CFAP410: variants seen among roughly 807,000 people sequenced by gnomAD.
CFAP410 encodes cilia- and flagella-associated protein 410.
CFAP410 carries 27 observed loss-of-function variants against 25.7 expected under a neutral mutation model. The ratio of observed to expected loss-of-function variants is 1.05; its 90% CI spans 0.77 to 1.45. The LOEUF (loss-of-function observed/expected upper bound fraction) is 1.45, where lower values mean the gene tolerates loss of function less well. Ranked by LOEUF, CFAP410 falls within the 40% of genes most tolerant of loss-of-function variation. The pLI is 0.00. For synonymous variants in CFAP410, 178 were observed against 158.4 expected, an observed-to-expected ratio of 1.12 and a Z score of -0.93; for missense variants, 428 against 354.1, an observed-to-expected ratio of 1.21 and a Z score of -1.67.
At chr21:44,333,845 C>G in intron 3 of CFAP410, 1 of 352,182 alleles carries the variant, frequency 2.8e-6, no homozygotes, top group East Asian at 7.5e-5. Flanking sequence ...CCTCCACAAG[C>G]GAACACGCGG....
intron 5 of CFAP410, chr21:44,331,349 G>A (rs527882087): frequency 5.8e-5 from 15 of 259,484 alleles, no homozygotes; most frequent in Non-Finnish European, 1.0e-4. Context: ...CAGGAGAGAA[G>A]TGCCCAGCTT....
At chr21:44,332,044 A>C in intron 4 of CFAP410, 30 bp from the exon 5 acceptor site, 1 of 1,574,496 alleles carries the variant, frequency 6.4e-7, no homozygotes, top group Non-Finnish European at 8.6e-7. Flanking sequence ...AGACAGCATG[A>C]GTGGCCTCAC....
rs147159770 is a variant in CFAP410, at chr21:44,330,877, C to T, written c.588G>A (p.Arg196=). The T allele has an allele frequency of 7.9e-5, 127 of 1,604,024 alleles. No homozygotes were observed. In the Admixed American group the frequency reaches 1.9e-3, roughly 24 times the overall value. The change falls in exon 6 of 7, where the codon CGG becomes CGA. Residue 196 remains arginine, a synonymous_variant. Transcript: ENST00000339818. ...TGGCTGAGAGGGAAGGAAACTGGCCCCGGGAAGGCGGCTTCAGGCCACGTT... is the reference window on the plus strand; with the variant it reads ...TGGCTGAGAGGGAAGGAAACTGGCCTCGGGAAGGCGGCTTCAGGCCACGTT... The part of the protein sequence containing the change: ...QDERGLKPPS[R]GQFPSLSARD...
chr21:44,333,162 A>G lies in CFAP410; in HGVS notation c.244T>C (p.Tyr82His), dbSNP rs755673924. 1.2e-6 allele frequency: 2 copies of G among 1,612,602 alleles called. No homozygotes were observed. The highest frequency in any genetic ancestry group is 1.7e-5 in the Admixed American group (1 of 59,994). The change falls in exon 4 of 7, where the codon TAC (tyrosine) becomes CAC (histidine). Residue 82 changes from tyrosine (Y) to histidine (H), a missense_variant. By Grantham distance (83) the Tyr-to-His change is moderately conservative (BLOSUM62 2). Coordinates refer to ENST00000339818, the MANE Select transcript of CFAP410 (RefSeq NM_004928.3). ...NRIPSLAELFYLKGLPRLRVL... is the reference protein window; with the variant it reads ...NRIPSLAELFHLKGLPRLRVL... The stretch of plus-strand genomic sequence containing the variant: ...CGCAGACGCGGCAGCCCCTTCAGGT[A>G]GAAGAGCTCAGCCAGGCTGGGGATG...
intron 3 of CFAP410, chr21:44,334,119 G>A (rs777556387): frequency 1.1e-5 from 5 of 456,164 alleles, no homozygotes; most frequent in Non-Finnish European, 2.2e-5. Context: ...TCAGGCACAG[G>A]CAGCAGCGTG....
chr21:44,333,033 C>T lies in CFAP410; in HGVS notation c.373G>A (p.Ala125Thr), dbSNP rs770527417. 1.9e-6 allele frequency: 3 copies of T among 1,584,516 alleles called. No individual in the cohort carries two copies. The highest frequency in any genetic ancestry group is 2.6e-6 in the Non-Finnish European group (3 of 1,160,398). Residue 125 changes from alanine (A) to threonine (T), a missense_variant and splice_region_variant, in exon 4 of 7, where the codon GCT becomes ACT. By Grantham distance (58) the Ala-to-Thr change is moderately conservative. Coordinates refer to ENST00000339818, the MANE Select transcript of CFAP410 (RefSeq NM_004928.3). ...CGGTGACTCCGCTGCGGCCACCTACCCTGGTTGTCCAGCTTCTGTAGGCGC... is the reference window on the plus strand; with the variant it reads ...CGGTGACTCCGCTGCGGCCACCTACTCTGGTTGTCCAGCTTCTGTAGGCGC... ...LPRLQKLDNQ[A>T]VTEEELSRAL...
At chr21:44,330,766 TGTGCAGTGG>T (rs775656734) in intron 6 of CFAP410, 48 bp downstream of exon 6, 6 of 1,551,056 alleles carry the variant, frequency 3.9e-6, no homozygotes, top group South Asian at 3.6e-5. Context: ...CCACGGTTTC[TGTGCAGTGG>T]GTGCAGTGGG....
chr21:44,336,788 GA>G (rs1406204031), intron 2 of CFAP410: 1 of 152,042 alleles, frequency 6.6e-6, no homozygotes, highest in African/African-American at 2.4e-5. Flanking sequence ...GGAAAATAAA[GA>G]GATAAATAAT....
At chr21:44,333,681 A>T (rs2047695018) in intron 3 of CFAP410, 1 of 296,318 alleles carries the variant, frequency 3.4e-6, no homozygotes, top group African/African-American at 2.2e-5. Context: ...GTGACATGGG[A>T]GTGAGCACGG....
chr21:44,335,370 G>A (rs2047732479), intron 3 of CFAP410: 1 of 264,302 alleles, frequency 3.8e-6, no homozygotes, highest in Non-Finnish European at 7.3e-6. Context: ...GGACTCTGGG[G>A]GTCCCAGGGC....
Position 44,330,244 on chromosome 21 carries a change from C to T in CFAP410, c.725G>A (p.Arg242Gln), listed in dbSNP as rs895557929. ...LEAVQQTVGS[R>Q]LQALRGEEVQ... ...CTCTTCCCCACGCAGGGCCTGCAGC[C>T]GGCTGCCCACAGTCTGCTGCACGGC... is the stretch of plus-strand genomic sequence containing the variant. The change falls in exon 7 of 7, where the codon CGG becomes CAG. Residue 242 changes from arginine (R) to glutamine (Q), a missense_variant. Physicochemically the swap from Arg to Gln is conservative, Grantham distance 43. Transcript: ENST00000339818. 9.4e-6 allele frequency: 15 copies of T among 1,594,326 alleles called. No individual in the cohort carries two copies. The highest frequency in any genetic ancestry group is 3.5e-5 in the Admixed American group (2 of 57,788).
At chr21:44,334,114 C>G (rs1267744297) in intron 3 of CFAP410, 1 of 456,296 alleles carries the variant, frequency 2.2e-6, no homozygotes, top group East Asian at 7.0e-5. Flanking sequence ...CTGCCTCAGG[C>G]ACAGGCAGCA....
intron 4 of CFAP410, 82 bp from the exon 5 acceptor site, chr21:44,332,096 T>TGGCTTCAG: frequency 8.2e-7 from 1 of 1,213,336 alleles, no homozygotes; most frequent in Non-Finnish European, 1.1e-6. Flanking sequence ...GTCCTCACTG[T>TGGCTTCAG]GGCTTCAGGC....
Position 44,330,058 on chromosome 21 carries a change from G to A in CFAP410, c.*140C>T. The A allele has an allele frequency of 1.0e-6, 1 of 961,144 alleles. No individual in the cohort carries two copies. The highest frequency in any genetic ancestry group is 1.5e-6 in the Non-Finnish European group (1 of 650,678). 59.5% of individuals were successfully genotyped at this position (961,144 alleles called of 1,614,324 possible). On this transcript the variant is annotated 3_prime_UTR_variant, in exon 7 of 7. Coordinates refer to ENST00000339818, the MANE Select transcript of CFAP410 (RefSeq NM_004928.3). The stretch of plus-strand genomic sequence containing the variant: ...TAGCCAGTACCTAACACCCACTCCT[G>A]CCCTCGGCCGATGTGGCAAACCGGG...
intron 1 of CFAP410, 36 bp downstream of exon 1, chr21:44,339,082 C>G (rs1602093500): frequency 7.4e-7 from 1 of 1,351,996 alleles, no homozygotes; most frequent in Non-Finnish European, 9.8e-7. Flanking sequence ...GCTCCTCCCC[C>G]CACCCCGGGG....
intron 2 of CFAP410, 132 bp from the exon 3 acceptor site, chr21:44,335,936 G>A (rs939979233): frequency 2.2e-4 from 155 of 691,108 alleles, no homozygotes; most frequent in Admixed American, 3.3e-4. Context: ...GCCTTACTCA[G>A]CCAGTGTGCC....
intron 6 of CFAP410, chr21:44,330,555 A>G: frequency 6.5e-7 from 1 of 1,549,230 alleles, no homozygotes; most frequent in South Asian, 1.2e-5. Flanking sequence ...TCAGCCCAGC[A>G]GGGCCCGGGC....
At chr21:44,338,519 A>G in intron 1 of CFAP410, 2 of 311,952 alleles carry the variant, frequency 6.4e-6, no homozygotes, top group South Asian at 4.6e-5. Context: ...GGCCGCCCCC[A>G]GTACTGATTA....
rs2047652992 is a variant in CFAP410, at chr21:44,331,838, C to G, written c.545+5G>C. 1 of 1,609,360 alleles carries G rather than the reference C, an allele frequency of 6.2e-7. No homozygotes were observed. The highest frequency in any genetic ancestry group is 1.1e-5 in the South Asian group (1 of 90,698). On this transcript the variant is annotated splice_donor_5th_base_variant and intron_variant, in intron 5 of 6. Transcript: ENST00000339818. Reference sequence around the variant, plus strand: ...TGCGGAGTCCCCGCTGCCCTCCAGCCTCACGTTGCCTCCTCCTCGCTGTCC... The same window carrying G: ...TGCGGAGTCCCCGCTGCCCTCCAGCGTCACGTTGCCTCCTCCTCGCTGTCC...
Sources: gnomAD v4.1 joint callset for allele counts on GRCh38, gnomAD v4.1.1 for gene constraint, MANE v1.5 for transcripts, NCBI Gene and HGNC (gene_info 2026-07-23, HGNC 2026-07-21) for gene names.